Variants in WDR62 observed in about 807,000 individuals in gnomAD.
WDR62 encodes WD repeat domain 62.
In WDR62, 112 loss-of-function variants were observed where a neutral mutation model predicts 160.6. The observed-to-expected ratio is 0.70, with a 90% CI of 0.60 to 0.82. WDR62 has a LOEUF of 0.82. WDR62 is among the 40% of genes least tolerant of loss of function. WDR62 has a pLI of 0.00. For synonymous variants in WDR62, 792 were observed against 815.1 expected (o/e 0.97, Z 0.48); for missense variants, 1,819 against 1,983.8 (o/e 0.92, Z 1.58).
intron 9 of WDR62, chr19:36,074,907 T>C (rs1052660330): frequency 1.3e-5 from 2 of 152,252 alleles, no homozygotes; most frequent in Non-Finnish European, 2.9e-5. Context: ...TTATTATGGG[T>C]GTCTTCAGTT....
chr19:36,061,719 G>C (rs1266688256), intron 3 of WDR62: 1 of 152,152 alleles, frequency 6.6e-6, no homozygotes, highest in South Asian at 2.1e-4. Context: ...GGTGTGGCCA[G>C]TGTGGGGATT....
In WDR62 at chr19:36,099,430, C is replaced by T. The variant is rs1422605865; in HGVS notation, c.2552C>T (p.Ala851Val). The T allele has an allele frequency of 1.2e-6, 2 of 1,613,612 alleles. No homozygotes were observed. Among genetic ancestry groups the T allele is most frequent in the Non-Finnish European group, 1.7e-6 (2 of 1,180,010 alleles). The change falls in exon 22 of 32, where the codon GCC becomes GTC. Residue 851 changes from alanine to valine, a missense_variant. By Grantham distance (64) the Ala-to-Val change is moderately conservative. Transcript: ENST00000401500. ...LGDDDVADGL[A>V]FHAKRSYQPH... ...GACGATGATGTGGCAGATGGCTTGG[C>T]CTTCCACGCCAAGCGCAGCTACCAG... is the stretch of plus-strand genomic sequence containing the variant.
At chr19:36,106,229 G>A (rs907305570), downstream of WDR62, among the ~76,000 whole-genome samples, 1 of 152,116 alleles carries the variant, frequency 6.6e-6, no homozygotes, top group African/African-American at 2.4e-5. Flanking sequence ...GCTGGGGTGT[G>A]GTGGTGCACA....
chr19:36,086,428 G>T lies in WDR62; in HGVS notation c.1643-259G>T, dbSNP rs571775919. On this transcript the variant is annotated intron_variant, in intron 12 of 31. Coordinates refer to ENST00000401500, the MANE Select transcript of WDR62 (RefSeq NM_001083961.2). ...GGGGCGTCTGCTGTGGATGTCCCTG[G>T]AGGAGCGTCCATGCGCCCATCGAGA... Among the ~76,000 whole-genome samples, 6 of 152,234 alleles carry T rather than the reference G, an allele frequency of 3.9e-5. No homozygotes were observed. The East Asian group carries it at 9.7e-4, about 25-fold the overall frequency.
At position 36,081,524 on chromosome 19, in the gene WDR62, T is replaced by C. The variant is rs1971898383; in HGVS notation, c.1325T>C (p.Leu442Ser). 3 of 1,614,196 alleles carry C rather than the reference T, an allele frequency of 1.9e-6. No individual in the cohort carries two copies. Among genetic ancestry groups the C allele is most frequent in the Non-Finnish European group, 8.5e-7 (1 of 1,180,030 alleles). ...SSDNTIRFWN[L>S]DSSPDSHWQK... Reference sequence around the variant, plus strand: ...GACAACACCATTCGCTTCTGGAACTTGGACAGCAGCCCTGATTCTCACTGG... The same window carrying C: ...GACAACACCATTCGCTTCTGGAACTCGGACAGCAGCCCTGATTCTCACTGG... Residue 442 changes from leucine to serine, a missense_variant, in exon 10 of 32, where the codon TTG becomes TCG. Physicochemically the swap from Leu to Ser is moderately radical, Grantham distance 145. Coordinates refer to ENST00000401500, the MANE Select transcript of WDR62 (RefSeq NM_001083961.2).
intron 3 of WDR62, among the ~76,000 whole-genome samples, chr19:36,063,224 T>G (rs1475043693): frequency 6.6e-6 from 1 of 151,930 alleles, no homozygotes; most frequent in Non-Finnish European, 1.5e-5. Flanking sequence ...ATTACAGGCG[T>G]GAGCCACAGC....
At chr19:36,081,822 G>A (rs759485215) in intron 10 of WDR62, 15 of 628,044 alleles carry the variant, frequency 2.4e-5, no homozygotes, top group South Asian at 2.0e-4. Context: ...ATGTGTGGAC[G>A]TGGCCACTCC....
downstream of WDR62, among the ~76,000 whole-genome samples, chr19:36,109,292 G>A (rs1288038652): frequency 1.3e-5 from 2 of 152,096 alleles, no homozygotes; most frequent in African/African-American, 2.4e-5. Flanking sequence ...GAGCCTGTTC[G>A]GGTCCCCAGG....
intron 10 of WDR62, chr19:36,081,921 T>C: frequency 2.1e-6 from 1 of 476,980 alleles, no homozygotes; most frequent in Admixed American, 2.3e-5. Context: ...AGCCAGCCCA[T>C]TCAGCTGCCA....
intron 12 of WDR62, 47 bp downstream of exon 12, chr19:36,084,791 C>G (rs772687734): frequency 3.2e-6 from 5 of 1,576,414 alleles, no homozygotes; most frequent in Admixed American, 3.3e-5. Flanking sequence ...GGGAGGCAGC[C>G]CCCCTGGCAG....
rs1251988146 is a variant in WDR62 at position 36,102,120 on chromosome 19, C to T, written c.3189C>T (p.His1063=). The change falls in exon 26 of 32, where the codon CAC becomes CAT. Residue 1063 remains histidine, a synonymous_variant. Coordinates refer to ENST00000401500, the MANE Select transcript of WDR62 (RefSeq NM_001083961.2). The part of the protein sequence containing the change: ...TPEQEKFLRH[H]FETLTESPCR... ...AGCAGGAGAAGTTCCTCCGCCACCA[C>T]TTTGAGACACTGACTGAGTCCCCCT... is the stretch of plus-strand genomic sequence containing the variant. 1 of 1,614,150 alleles carries T rather than the reference C, an allele frequency of 6.2e-7. No individual in the cohort carries two copies. Among genetic ancestry groups the T allele is most frequent in the South Asian group, 1.1e-5 (1 of 91,086 alleles).
In WDR62 at chr19:36,071,622, G is replaced by C; in HGVS notation, c.949G>C (p.Val317Leu). The C allele has an allele frequency of 1.2e-6, 2 of 1,614,234 alleles. No individual in the cohort carries two copies. Among genetic ancestry groups the C allele is most frequent in the Non-Finnish European group, 1.7e-6 (2 of 1,180,042 alleles). ...CTTCTGTGGCTGCACAGATGGGATA[G>C]TCCGCATCTTCCAGGCCCATAGCCT... ...LIFCGCTDGIVRIFQAHSLHY... is the reference protein window; with the variant it reads ...LIFCGCTDGILRIFQAHSLHY... The change falls in exon 8 of 32, where the codon GTC becomes CTC. Residue 317 changes from valine (V) to leucine (L), a missense_variant. Val to Leu is a conservative substitution (Grantham distance 32). Transcript: ENST00000401500.
At position 36,060,028 on chromosome 19, in the gene WDR62, C is replaced by T; in HGVS notation, c.330C>T (p.Ala110=). 1 of 1,614,198 alleles carries T rather than the reference C, an allele frequency of 6.2e-7. No individual in the cohort carries two copies. Among genetic ancestry groups the T allele is most frequent in the South Asian group, 1.1e-5 (1 of 91,084 alleles). The part of the protein sequence containing the change: ...ENKQQHIFNT[A]RKSLSALAFS... ...AGCAGCAGCACATCTTTAACACCGC[C>T]AGGTAGGCTGAGGCCTGGGCCCGGG... Residue 110 remains alanine (A), a splice_region_variant and synonymous_variant, in exon 3 of 32, where the codon GCC becomes GCT. Coordinates refer to ENST00000401500, the MANE Select transcript of WDR62 (RefSeq NM_001083961.2).
chr19:36,103,238 T>C (rs1478566921), intron 29 of WDR62, 31 bp downstream of exon 29: 7 of 1,612,668 alleles, frequency 4.3e-6, no homozygotes, highest in Non-Finnish European at 5.1e-6. Flanking sequence ...CGGACAGTCC[T>C]GGGTTTCTCG....
At chr19:36,086,833 TCCCTGCGCCTTGCTAG>T (rs767414787) in intron 13 of WDR62, 21 bp downstream of exon 13, 2 of 1,606,540 alleles carry the variant, frequency 1.2e-6, no homozygotes, top group South Asian at 2.2e-5. Flanking sequence ...TTCTTCCCGC[TCCCTGCGCCTTGCTAG>T]CTACCCTGCT....
chr19:36,106,362 C>CAAA (rs10668126), downstream of WDR62, among the ~76,000 whole-genome samples: 5,129 of 115,130 alleles, frequency 0.045, 227 homozygotes, highest in East Asian at 0.26. Context: ...CAGCAAGTCT[C>CAAA]AAAAAAAAAA....
At chr19:36,101,839 T>C in intron 25 of WDR62, 65 bp downstream of exon 25, 1 of 1,505,490 alleles carries the variant, frequency 6.6e-7, no homozygotes, top group East Asian at 2.4e-5. Flanking sequence ...AGTCACAATG[T>C]CTAAGCACAG....
At chr19:36,056,324 C>T (rs900469721) in intron 1 of WDR62, among the ~76,000 whole-genome samples, 1 of 152,090 alleles carries the variant, frequency 6.6e-6, no homozygotes, top group Non-Finnish European at 1.5e-5. Context: ...GTGATTATAC[C>T]GCCCACTCCT....
chr19:36,104,686 C>G lies in WDR62; in HGVS notation c.4311+11C>G. The G allele has an allele frequency of 2.5e-6, 4 of 1,614,062 alleles. No homozygotes were observed. In the East Asian group the frequency reaches 8.9e-5, roughly 36 times the overall value. Reference sequence around the variant, plus strand: ...GACCTTTACCGTGTGGTGAGCTAAGCCCCAGAGTTGGGAAAGGGTTGAGGG... The same window carrying G: ...GACCTTTACCGTGTGGTGAGCTAAGGCCCAGAGTTGGGAAAGGGTTGAGGG... On this transcript the variant is annotated intron_variant, in intron 31 of 31. Transcript: ENST00000401500.
Sources: allele counts gnomAD v4.1 joint callset (sites outside exome capture counted in the v4.1 genomes callset), GRCh38; gene constraint gnomAD v4.1.1; transcripts MANE v1.5; gene names NCBI Gene and HGNC (gene_info 2026-07-23, HGNC 2026-07-21).